Variants in HDAC9 observed in about 807,000 individuals in gnomAD.
HDAC9 encodes the protein MEF-2 interacting transcription repressor (MITR) protein.
A neutral mutation model predicts 139.4 loss-of-function variants in HDAC9; 41 were observed. The ratio of observed to expected loss-of-function variants is 0.29; its 90% CI spans 0.23 to 0.38. The LOEUF is 0.38. HDAC9 is among the 10% of genes least tolerant of loss of function. HDAC9 has a pLI of 1.00. For synonymous variants in HDAC9, 517 were observed against 476.2 expected (o/e 1.09, Z -1.12); for missense variants, 1,147 against 1,297.0 (o/e 0.88, Z 1.78).
intron 1 of HDAC9, among the ~76,000 whole-genome samples, chr7:18,157,629 T>TATGGTA (rs1434682241): frequency 4.6e-5 from 7 of 152,320 alleles, no homozygotes; most frequent in Non-Finnish European, 8.8e-5. Context: ...GGTGACTGTC[T>TATGGTA]ATGGTAAAAG....
At chr7:18,156,098 A>G (rs1787177608) in intron 1 of HDAC9, among the ~76,000 whole-genome samples, 1 of 152,110 alleles carries the variant, frequency 6.6e-6, no homozygotes, top group Non-Finnish European at 1.5e-5. Context: ...GTATCCTTAC[A>G]TCTCTGTATC....
chr7:18,289,822 A>G (rs749661344), upstream of HDAC9, among the ~76,000 whole-genome samples: 17 of 152,090 alleles, frequency 1.1e-4, no homozygotes, highest in Non-Finnish European at 1.6e-4. Context: ...AGGCCTTTCC[A>G]TCTAAGAAAC....
intron 12 of HDAC9, among the ~76,000 whole-genome samples, chr7:18,724,574 A>G (rs1298860752): frequency 6.6e-6 from 1 of 152,186 alleles, no homozygotes; most frequent in East Asian, 1.9e-4. Context: ...TGTAGACATC[A>G]TAAACACTGT....
At chr7:18,903,423 T>G (rs1199358478) in intron 22 of HDAC9, among the ~76,000 whole-genome samples, 5 of 152,240 alleles carry the variant, frequency 3.3e-5, no homozygotes, top group Non-Finnish European at 7.3e-5. Context: ...CATTTTCATC[T>G]TTTTTGACTT....
At chr7:18,759,234 G>A (rs1480762256) in intron 14 of HDAC9, among the ~76,000 whole-genome samples, 1 of 152,104 alleles carries the variant, frequency 6.6e-6, no homozygotes, top group East Asian at 1.9e-4. Flanking sequence ...CAAACCCTGG[G>A]CCACGGACCA....
At chr7:18,673,395 T>G (rs1027982210) in intron 12 of HDAC9, among the ~76,000 whole-genome samples, 30 of 152,094 alleles carry the variant, frequency 2.0e-4, no homozygotes, top group Admixed American at 1.4e-3. Flanking sequence ...TAGCCACATG[T>G]ACCTATTGAA....
chr7:18,207,824 C>G (rs1230517394), intron 2 of HDAC9, among the ~76,000 whole-genome samples: 4 of 151,966 alleles, frequency 2.6e-5, no homozygotes, highest in Admixed American at 2.0e-4. Context: ...AAGCAATTCT[C>G]CTGTCTCAGC....
At chr7:18,125,029 A>T (rs984336163) in intron 1 of HDAC9, among the ~76,000 whole-genome samples, 4 of 152,110 alleles carry the variant, frequency 2.6e-5, no homozygotes, top group African/African-American at 9.7e-5. Flanking sequence ...TAAAGCAGAA[A>T]GAGTGTGTTC....
chr7:18,436,247 T>C (rs977554962), intron 1 of HDAC9, among the ~76,000 whole-genome samples: 4 of 152,188 alleles, frequency 2.6e-5, no homozygotes, highest in African/African-American at 9.7e-5. Flanking sequence ...TAAAGTTTGA[T>C]TAAGATGATA....
chr7:18,499,690 T>C (rs896298863), intron 2 of HDAC9, among the ~76,000 whole-genome samples: 3 of 152,152 alleles, frequency 2.0e-5, no homozygotes, highest in African/African-American at 7.2e-5. Flanking sequence ...TATGAAGGAA[T>C]TTCCTAGAGT....
rs191426495 is a variant in HDAC9, at chr7:18,503,975, A to C, written c.22+7651A>C. Among the ~76,000 whole-genome samples, 160 of 152,332 alleles carry C rather than the reference A, an allele frequency of 1.1e-3. 1 individual carries two copies. Among genetic ancestry groups the C allele is most frequent in the African/African-American group, 3.5e-3 (147 of 41,576 alleles). On this transcript the variant is annotated intron_variant, in intron 2 of 25. Coordinates refer to ENST00000686413, the MANE Select transcript of HDAC9 (RefSeq NM_178425.4). ...AAACCCCCCAAAATCCAGAAAACAA[A>C]AAATAAGTAAATTTCACTGAGTTTT...
intron 1 of HDAC9, among the ~76,000 whole-genome samples, chr7:18,427,018 A>G (rs1360943805): frequency 6.6e-6 from 1 of 152,166 alleles, no homozygotes; most frequent in African/African-American, 2.4e-5. Flanking sequence ...ATGATGAAAT[A>G]TTGGCAATGT....
chr7:18,169,686 C>T (rs1431489114), intron 2 of HDAC9, among the ~76,000 whole-genome samples: 2 of 152,080 alleles, frequency 1.3e-5, no homozygotes, highest in African/African-American at 2.4e-5. Context: ...GTTCAGTTCC[C>T]ACCTATGAGT....
intron 2 of HDAC9, among the ~76,000 whole-genome samples, chr7:18,228,678 A>G (rs1342360270): frequency 6.6e-6 from 1 of 152,084 alleles, no homozygotes; most frequent in Non-Finnish European, 1.5e-5. Context: ...TCAGATCAAC[A>G]CCAAAATGCA....
At chr7:18,484,794 A>G (rs544717702) in intron 1 of HDAC9, among the ~76,000 whole-genome samples, 15 of 152,164 alleles carry the variant, frequency 9.9e-5, no homozygotes, top group Admixed American at 8.5e-4. Context: ...TTGAGGCTTT[A>G]GTAAACTATG....
intron 21 of HDAC9, among the ~76,000 whole-genome samples, chr7:18,836,615 G>A (rs1414355274): frequency 6.6e-6 from 1 of 152,016 alleles, no homozygotes; most frequent in Non-Finnish European, 1.5e-5. Flanking sequence ...TTCTGCTTTT[G>A]TCTAAGCAAA....
chr7:18,815,060 G>A (rs1351554428), intron 17 of HDAC9, among the ~76,000 whole-genome samples: 1 of 151,942 alleles, frequency 6.6e-6, no homozygotes, highest in Non-Finnish European at 1.5e-5. Context: ...GGCATTCGTT[G>A]GTACAGTCTT....
At chr7:18,510,185 A>C (rs569070801) in intron 2 of HDAC9, among the ~76,000 whole-genome samples, 1 of 152,274 alleles carries the variant, frequency 6.6e-6, no homozygotes, top group African/African-American at 2.4e-5. Flanking sequence ...ATGCTTTAAC[A>C]ATGTGTGTAT....
chr7:18,943,487 T>C (rs1353032305), intron 23 of HDAC9, among the ~76,000 whole-genome samples: 1 of 152,130 alleles, frequency 6.6e-6, no homozygotes, highest in East Asian at 1.9e-4. Flanking sequence ...AAATATATCA[T>C]GTGCAAACTG....
Sources: allele counts gnomAD v4.1 joint callset (sites outside exome capture counted in the v4.1 genomes callset), GRCh38; gene constraint gnomAD v4.1.1; transcripts MANE v1.5; gene names NCBI Gene and HGNC (gene_info 2026-07-23, HGNC 2026-07-21).